Variants in SLC38A8 observed in about 807,000 individuals in gnomAD.
SLC38A8 encodes the protein amino acid transporter SLC38A8.
In SLC38A8, 65 loss-of-function variants were observed where a neutral mutation model predicts 46.0. The ratio of observed to expected loss-of-function variants is 1.41; its 90% CI spans 1.16 to 1.74. The LOEUF is 1.74. SLC38A8 is among the 40% of genes most tolerant of loss of function. SLC38A8 has a pLI of 0.00. For missense variants in SLC38A8, 998 were observed against 567.9 expected (o/e 1.76, Z -7.70); for synonymous variants, 447 against 243.7 (o/e 1.83, Z -7.77).
At chr16:84,024,116 T>C (rs1308598873) in intron 6 of SLC38A8, among the ~76,000 whole-genome samples, 1 of 152,064 alleles carries the variant, frequency 6.6e-6, no homozygotes, top group South Asian at 2.1e-4. Context: ...CTCCCCCAAG[T>C]TGTGACAACC....
rs11864095 is a variant in SLC38A8 at position 84,012,894 on chromosome 16, C to T, written c.1214+107G>A. On this transcript the variant is annotated intron_variant, in intron 10 of 10. Coordinates refer to ENST00000299709, the MANE Select transcript of SLC38A8 (RefSeq NM_001080442.3). ...CTTCCTGTGGCTCGCAGGTTTCTCA[C>T]CTGCAGGATGCAGAGGATGAGAAAT... The T allele has an allele frequency of 0.23, 290,785 of 1,249,196 alleles. 38,560 individuals are homozygous for T. Among genetic ancestry groups the T allele is most frequent in the African/African-American group, 0.56 (37,542 of 66,692 alleles). 77.4% of individuals were successfully genotyped at this position (1,249,196 alleles called of 1,614,324 possible). A position where few individuals can be genotyped will look rare whatever the true frequency, so the allele number is the denominator to read the frequency against.
In SLC38A8 at chr16:84,016,695, C is replaced by T; in HGVS notation, c.986G>A (p.Cys329Tyr). 6.2e-7 allele frequency: 1 copy of T among 1,613,266 alleles called. No individual in the cohort carries two copies. The highest frequency in any genetic ancestry group is 8.5e-7 in the Non-Finnish European group (1 of 1,179,948). ...SVMQDFWRRS[C>Y]LGGWGPSALA... is the part of the protein sequence containing the mutation. The stretch of plus-strand genomic sequence containing the variant: ...GGCGCTGGGCCCCCATCCCCCCAAG[C>T]AGCTCCTCCTCCAGAAGTCCTGCAT... Residue 329 changes from cysteine (C) to tyrosine (Y), a missense_variant, in exon 9 of 11, where the codon TGC becomes TAC. Physicochemically the swap from Cys to Tyr is radical, Grantham distance 194 (BLOSUM62 -2). Coordinates refer to ENST00000299709, the MANE Select transcript of SLC38A8 (RefSeq NM_001080442.3).
At chr16:84,029,572 G>A (rs373246575) in intron 5 of SLC38A8, 21 bp from the exon 6 acceptor site, 9 of 1,613,386 alleles carry the variant, frequency 5.6e-6, no homozygotes, top group Admixed American at 1.7e-5. Context: ...ACAAGAACAG[G>A]AGTTTATTAA....
At chr16:84,027,022 T>C (rs183376481) in intron 6 of SLC38A8, among the ~76,000 whole-genome samples, 5 of 152,234 alleles carry the variant, frequency 3.3e-5, no homozygotes, top group East Asian at 1.9e-4. Context: ...AATGGCACGG[T>C]ATATGCATCC....
intron 6 of SLC38A8, among the ~76,000 whole-genome samples, chr16:84,026,834 T>G (rs943160488): frequency 6.6e-6 from 1 of 152,098 alleles, no homozygotes; most frequent in Non-Finnish European, 1.5e-5. Flanking sequence ...GTGGCCATCG[T>G]AGGCAAATCC....
intron 2 of SLC38A8, among the ~76,000 whole-genome samples, chr16:84,037,451 C>T (rs578048946): frequency 2.6e-5 from 4 of 152,296 alleles, no homozygotes; most frequent in Non-Finnish European, 2.9e-5. Flanking sequence ...CTCGGCTCAG[C>T]GTGTCAGTGC....
intron 2 of SLC38A8, among the ~76,000 whole-genome samples, chr16:84,037,770 A>AG (rs36155963): frequency 0.42 from 59,127 of 142,298 alleles, 12,853 homozygotes; most frequent in East Asian, 0.52. Flanking sequence ...GAAAAAAAAA[A>AG]AAGAGAAAAG....
chr16:84,019,949 G>A (rs986463166), intron 7 of SLC38A8, among the ~76,000 whole-genome samples: 5 of 152,172 alleles, frequency 3.3e-5, no homozygotes, highest in East Asian at 1.9e-4. Flanking sequence ...CGGCTTTGCC[G>A]GGTACAGCCC....
At position 84,017,194 on chromosome 16, in the gene SLC38A8, A is replaced by T. The variant is rs773007211; in HGVS notation, c.899T>A (p.Val300Asp). ...AGTTACGATGGAGACAGCAAAAAGGACCCGGGCCACAATGATGACCATATC... is the reference window on the plus strand; with the variant it reads ...AGTTACGATGGAGACAGCAAAAAGGTCCCGGGCCACAATGATGACCATATC... ...GNDMVIIVAR[V>D]LFAVSIVTVY... Residue 300 changes from valine to aspartate, a missense_variant, in exon 8 of 11, where the codon GTC (valine) becomes GAC (aspartate). Transcript: ENST00000299709. 6.2e-7 allele frequency: 1 copy of T among 1,613,972 alleles called. No individual in the cohort carries two copies. The highest frequency in any genetic ancestry group is 8.5e-7 in the Non-Finnish European group (1 of 1,180,002).
rs2085244853 is a variant in SLC38A8, at chr16:84,031,919, G to A, written c.580C>T (p.Gln194Ter). 1 of 1,614,222 alleles carries A rather than the reference G, an allele frequency of 6.2e-7. No individual in the cohort carries two copies. Reference sequence around the variant, plus strand: ...AGGCCCTGGGGCCAGAGGTAGTACTGCACGGTGATGACCAGGGCCAGGTAA... The same window carrying A: ...AGGCCCTGGGGCCAGAGGTAGTACTACACGGTGATGACCAGGGCCAGGTAA... ...ACYLALVITV[Q>*]YYLWPQGLVR... The change falls in exon 5 of 11, where the codon CAG becomes TAG. Residue 194 changes from glutamine to a stop codon, truncating the protein, a stop_gained. Transcript: ENST00000299709. LOFTEE classifies it high-confidence loss of function.
At chr16:84,015,093 C>T (rs1233507719) in intron 9 of SLC38A8, among the ~76,000 whole-genome samples, 2 of 152,080 alleles carry the variant, frequency 1.3e-5, no homozygotes, top group Admixed American at 6.6e-5. Flanking sequence ...TCCCCAAGCT[C>T]GATGTCTGTT....
At chr16:84,020,332 G>T (rs775537605) in intron 7 of SLC38A8, among the ~76,000 whole-genome samples, 1 of 152,138 alleles carries the variant, frequency 6.6e-6, no homozygotes, top group African/African-American at 2.4e-5. Flanking sequence ...TTTTTGTAGA[G>T]ACAGGGTCTC....
rs547010048 is a variant in SLC38A8 at position 84,028,812 on chromosome 16, CCT to C, written c.690+680_690+681del. ...ACCTATGCTATCCCACCTGTGCTGT[CCT>C]CTCTACCTGGGGTGCGCTTCCAGTC... is the stretch of plus-strand genomic sequence containing the variant. On this transcript the variant is annotated intron_variant, in intron 6 of 10. Transcript: ENST00000299709. 1.6e-3 allele frequency among the ~76,000 whole-genome samples: 245 copies of C among 152,038 alleles called. 1 individual carries two copies. Among genetic ancestry groups the C allele is most frequent in the African/African-American group, 5.4e-3 (224 of 41,464 alleles).
At chr16:84,020,141 G>GT (rs55834950) in intron 7 of SLC38A8, among the ~76,000 whole-genome samples, 19,206 of 136,020 alleles carry the variant, frequency 0.14, 2,621 homozygotes, top group African/African-American at 0.37. Context: ...AACATCCGTT[G>GT]TTTTTTTTTT....
At chr16:84,036,957 A>G in intron 2 of SLC38A8, 57 bp from the exon 3 acceptor site, 1 of 1,360,982 alleles carries the variant, frequency 7.3e-7, no homozygotes, top group Non-Finnish European at 9.6e-7. Flanking sequence ...ACCCACCCCC[A>G]GCCAGCCACC....
chr16:84,042,475 T>C, intron 1 of SLC38A8, 76 bp downstream of exon 1: 1 of 224,080 alleles, frequency 4.5e-6, no homozygotes, highest in African/African-American at 2.3e-5. Context: ...CAATCCTCTC[T>C]CCCCCCATTC....
intron 9 of SLC38A8, among the ~76,000 whole-genome samples, chr16:84,014,147 G>C (rs895874974): frequency 6.6e-6 from 1 of 150,580 alleles, no homozygotes; most frequent in African/African-American, 2.4e-5. Context: ...CCTGAGGGAG[G>C]AGCTATGTGG....
intron 6 of SLC38A8, among the ~76,000 whole-genome samples, chr16:84,024,529 C>T (rs1008731261): frequency 2.0e-5 from 3 of 151,892 alleles, no homozygotes; most frequent in Non-Finnish European, 4.4e-5. Flanking sequence ...GCCTGTAATC[C>T]CAGCACTTTG....
chr16:84,040,478 A>G (rs1469731929), intron 2 of SLC38A8, among the ~76,000 whole-genome samples: 1 of 152,196 alleles, frequency 6.6e-6, no homozygotes, highest in Non-Finnish European at 1.5e-5. Context: ...ATCTGTGTGA[A>G]ATGCCTGCAC....
Sources: gnomAD v4.1 joint callset for allele counts (sites outside exome capture counted in the v4.1 genomes callset) on GRCh38, gnomAD v4.1.1 for gene constraint, MANE v1.5 for transcripts, NCBI Gene and HGNC (gene_info 2026-07-23, HGNC 2026-07-21) for gene names.